MTCL1: variants seen among roughly 807,000 people sequenced by gnomAD.
The protein encoded by MTCL1 is microtubule crosslinking factor 1, also known as microtubule cross-linking factor 1.
Under a neutral mutation model 141.4 loss-of-function variants are expected in MTCL1, and 79 were observed. The ratio of observed to expected loss-of-function variants is 0.56; its 90% confidence interval spans 0.47 to 0.67. The LOEUF is 0.67. Among genes scored for constraint, MTCL1 ranks in the 30% least tolerant of loss-of-function variants. MTCL1 has a pLI of 0.00. For synonymous variants in MTCL1, 914 were observed against 875.8 expected, an observed-to-expected ratio of 1.04 and a Z score of -0.77; for missense variants, 2,177 against 2,113.9, an observed-to-expected ratio of 1.03 and a Z score of -0.59.
chr18:8,829,491 G>A, intron 16 of MTCL1: 1 of 945,786 alleles, frequency 1.1e-6, no homozygotes, highest in Non-Finnish European at 1.3e-6. Context: ...GTGGGTGACA[G>A]AGTAAATGCT....
chr18:8,714,950 C>T (rs1394223636), upstream of MTCL1, among the ~76,000 whole-genome samples: 2 of 152,132 alleles, frequency 1.3e-5, no homozygotes, highest in South Asian at 2.1e-4. Flanking sequence ...GTGCCCGCCA[C>T]CACGCCTGGC....
chr18:8,824,746 T>C, exon 15 of MTCL1: 2 of 1,614,016 alleles, frequency 1.2e-6, no homozygotes, highest in African/African-American at 1.3e-5. Flanking sequence ...CTAATGGACA[T>C]CTCCCCCTTC....
At chr18:8,705,609 C>CCGCCGCCGCCGCCGA (rs1387679120), upstream of MTCL1, 1 of 1,189,990 alleles carries the variant, frequency 8.4e-7, no homozygotes, top group Non-Finnish European at 1.0e-6. The surrounding 1 kb of genome is among the most constrained non-coding windows in gnomAD (Gnocchi z 5.2). Flanking sequence ...GCCGCCGCCG[C>CCGCCGCCGCCGCCGA]CGTCGTCGTC....
At chr18:8,781,855 C>T (rs914049760) in intron 5 of MTCL1, among the ~76,000 whole-genome samples, 1 of 152,176 alleles carries the variant, frequency 6.6e-6, no homozygotes, top group East Asian at 1.9e-4. Flanking sequence ...CTGGTTTTGT[C>T]CTCAGCTAAG....
intron 12 of MTCL1, among the ~76,000 whole-genome samples, chr18:8,816,662 A>G (rs141376874): frequency 2.6e-5 from 4 of 152,236 alleles, no homozygotes; most frequent in Admixed American, 6.5e-5. Flanking sequence ...TCCTTCCAGT[A>G]ACTTTCTTAA....
exon 11 of MTCL1, chr18:8,806,954 A>G: frequency 1.2e-6 from 2 of 1,613,794 alleles, no homozygotes; most frequent in Non-Finnish European, 1.7e-6. Flanking sequence ...TTCCGTGCGG[A>G]GCTGCGGGAG....
intron 4 of MTCL1, among the ~76,000 whole-genome samples, chr18:8,770,631 A>G (rs1009597520): frequency 5.9e-5 from 9 of 152,166 alleles, no homozygotes; most frequent in Admixed American, 1.3e-4. Context: ...GGGCTTCCAC[A>G]TAGGAATTTG....
At chr18:8,737,103 G>T (rs959447621) in intron 4 of MTCL1, among the ~76,000 whole-genome samples, 1 of 152,184 alleles carries the variant, frequency 6.6e-6, no homozygotes, top group Non-Finnish European at 1.5e-5. Flanking sequence ...CCTATGAGCT[G>T]CACTGGATAT....
chr18:8,825,410 C>T (rs748892380), exon 15 of MTCL1: 21 of 1,544,570 alleles, frequency 1.4e-5, no homozygotes, highest in South Asian at 8.8e-5. Flanking sequence ...CCGGCCCTGG[C>T]GAGCTGCAAG....
chr18:8,732,496 C>T (rs192729972), intron 4 of MTCL1, among the ~76,000 whole-genome samples: 5 of 152,254 alleles, frequency 3.3e-5, no homozygotes, highest in Admixed American at 2.0e-4. Flanking sequence ...GGATTCTCTA[C>T]GGCCTGAGTG....
Position 8,810,450 on chromosome 18 carries a change from G to C in MTCL1, c.2605-2529G>C, listed in dbSNP as rs113171275. On this transcript the variant is annotated intron_variant, in intron 11 of 16. Transcript: ENST00000359865. This position sits in a 1 kb window ranked among gnomAD's most constrained non-coding sequence, Gnocchi z 5.0. ...AGACCTGAGAGGTGTGGACACAGAG[G>C]AGCTTGTGGGCAGAAGGAGTGTCCC... 1.2e-4 allele frequency among the ~76,000 whole-genome samples: 18 copies of C among 152,286 alleles called. 1 individual carries two copies. The highest frequency in any genetic ancestry group is 3.8e-4 in the African/African-American group (16 of 41,572).
chr18:8,763,014 A>G (rs931755972), intron 4 of MTCL1, among the ~76,000 whole-genome samples: 3 of 152,150 alleles, frequency 2.0e-5, no homozygotes, highest in Non-Finnish European at 4.4e-5. Context: ...GGTAGCTTCT[A>G]TAAAGTCTTC....
intron 4 of MTCL1, among the ~76,000 whole-genome samples, chr18:8,766,562 A>G (rs531866891): frequency 6.6e-6 from 1 of 152,214 alleles, no homozygotes; most frequent in Non-Finnish European, 1.5e-5. Context: ...CATAAATATA[A>G]TATACTAGCA....
exon 6 of MTCL1, chr18:8,784,360 T>A (rs2096543227): frequency 6.5e-7 from 1 of 1,534,036 alleles, no homozygotes; most frequent in Non-Finnish European, 8.8e-7. Context: ...GCGGGGAGAG[T>A]GACTCGGAGG....
rs549360183 is a variant in MTCL1, at chr18:8,751,120, G to A, written c.358-26713G>A. On this transcript the variant is annotated intron_variant, in intron 4 of 16. Transcript: ENST00000359865. The stretch of plus-strand genomic sequence containing the variant: ...CATGACTCATGCACACATCTTTTCC[G>A]CACATGGACTGTGTCTGGATTCTGT... Among the ~76,000 whole-genome samples, 7 of 152,270 alleles carry A rather than the reference G, an allele frequency of 4.6e-5. No individual in the cohort carries two copies. In the East Asian group the frequency reaches 1.2e-3, roughly 25 times the overall value.
rs983272620 is a variant in MTCL1, at chr18:8,828,648, A to G, written c.4723-260A>G. On this transcript the variant is annotated intron_variant, in intron 15 of 16. Transcript: ENST00000359865. This position sits in a 1 kb window ranked among gnomAD's most constrained non-coding sequence, Gnocchi z 5.2. ...CTAGAGGGAGGTCTGTGACTCCTCC[A>G]TGGAGTTTCCTTCTTCTCTCTGGGC... Among the ~76,000 whole-genome samples, 1 of 152,182 alleles carries G rather than the reference A, an allele frequency of 6.6e-6. No individual in the cohort carries two copies. Among genetic ancestry groups the G allele is most frequent in the East Asian group, 1.9e-4 (1 of 5,194 alleles).
In MTCL1 at chr18:8,729,673, AATATATATATATATATATAT is replaced by A. The variant is rs3051533; in HGVS notation, c.357+9218_357+9237del. Among the ~76,000 whole-genome samples the A allele has an allele frequency of 7.4e-4, 98 of 131,570 alleles. 1 individual carries two copies. Among genetic ancestry groups the A allele is most frequent in the African/African-American group, 1.2e-3 (46 of 36,904 alleles). 86.3% of individuals were successfully genotyped at this position (131,570 alleles called of 152,430 possible). A position where few individuals can be genotyped will look rare whatever the true frequency, so the allele number is the denominator to read the frequency against. ...CTCACTTTGGCTTCCCAAGAAGACA[AATATATATATATATATATAT>A]ATATATATATATATATATATATATA... is the stretch of plus-strand genomic sequence containing the variant. On this transcript the variant is annotated intron_variant, in intron 4 of 16. Transcript: ENST00000359865.
In MTCL1 at chr18:8,830,233, GGA is replaced by G; in HGVS notation, c.*18+1273_*18+1274del. 6 of 985,640 alleles carry G rather than the reference GGA, an allele frequency of 6.1e-6. No individual in the cohort carries two copies. The highest frequency in any genetic ancestry group is 7.2e-6 in the Non-Finnish European group (6 of 830,114). The allele number at this position is 985,640 out of a possible 1,614,324, so 61.1% of individuals were successfully genotyped here. Reference sequence around the variant, plus strand: ...TGGTGGCGCTGGTGGAGTTTTAACTGGAGAGGTATTTCTGGTTGTCACGGTAC... The same window carrying G: ...TGGTGGCGCTGGTGGAGTTTTAACTGGAGGTATTTCTGGTTGTCACGGTAC... On this transcript the variant is annotated intron_variant, in intron 16 of 16. Coordinates refer to ENST00000359865, the Ensembl canonical transcript of MTCL1. The surrounding 1 kb of genome is among the most constrained non-coding windows in gnomAD (Gnocchi z 6.4).
At position 8,756,423 on chromosome 18, in the gene MTCL1, ATG is replaced by A. The variant is rs1225434999; in HGVS notation, c.358-21406_358-21405del. Among the ~76,000 whole-genome samples the A allele has an allele frequency of 3.4e-5, 5 of 145,446 alleles. No individual in the cohort carries two copies. The East Asian group carries it at 5.8e-4, about 17-fold the overall frequency. On this transcript the variant is annotated intron_variant, in intron 4 of 16. Transcript: ENST00000359865. ...TATATATGTGTGTATATGTGTATAT[ATG>A]TGTATATATGTATATATGTGTATAT...
Sources: allele counts gnomAD v4.1 joint callset (sites outside exome capture counted in the v4.1 genomes callset), GRCh38; gene constraint gnomAD v4.1.1; non-coding constraint Gnocchi (gnomAD v3.1); transcripts MANE v1.5; gene names NCBI Gene and HGNC (gene_info 2026-07-23, HGNC 2026-07-21).